TPTE: variants seen among roughly 807,000 people sequenced by gnomAD.
The protein encoded by TPTE is putative tyrosine-protein phosphatase TPTE.
A neutral mutation model predicts 84.1 loss-of-function variants in TPTE; 59 were observed. The ratio of observed to expected loss-of-function variants is 0.70; its 90% CI spans 0.57 to 0.87. The LOEUF (loss-of-function observed/expected upper bound fraction) is 0.87. Among genes scored for constraint, TPTE ranks in the 40% least tolerant of loss-of-function variants. TPTE has a pLI of 0.00. For missense variants in TPTE, 382 were observed against 659.6 expected (o/e 0.58, Z 4.61); for synonymous variants, 130 against 223.5 (o/e 0.58, Z 3.73).
At chr21:10,571,232 A>G (rs1410678790) in intron 14 of TPTE, among the ~76,000 whole-genome samples, 1 of 152,312 alleles carries the variant, frequency 6.6e-6, no homozygotes, top group Admixed American at 6.5e-5. Flanking sequence ...CCACTGAGGC[A>G]CTCACAGACA....
chr21:10,522,520 C>T (rs1335156556), intron 1 of TPTE, among the ~76,000 whole-genome samples: 1 of 152,308 alleles, frequency 6.6e-6, no homozygotes, highest in African/African-American at 2.4e-5. Context: ...AAGTTGGAAA[C>T]GGTCAAAACA....
chr21:10,604,496 C>T (rs1239028738), intron 23 of TPTE, among the ~76,000 whole-genome samples: 1 of 152,310 alleles, frequency 6.6e-6, no homozygotes, highest in Non-Finnish European at 1.5e-5. Context: ...CGAATGATTC[C>T]TTAAGTCCAG....
At chr21:10,560,057 A>T (rs1410958548) in intron 9 of TPTE, among the ~76,000 whole-genome samples, 1 of 152,294 alleles carries the variant, frequency 6.6e-6, no homozygotes, top group African/African-American at 2.4e-5. Flanking sequence ...CTAATTTATC[A>T]TGGAATTTTG....
chr21:10,556,593 T>C (rs944893015), intron 8 of TPTE, among the ~76,000 whole-genome samples: 1 of 152,312 alleles, frequency 6.6e-6, no homozygotes, highest in African/African-American at 2.4e-5. Context: ...GTGTTTCTAG[T>C]TTTAGATTCT....
chr21:10,587,486 T>C (rs890086747), intron 17 of TPTE, among the ~76,000 whole-genome samples: 1 of 152,306 alleles, frequency 6.6e-6, no homozygotes, highest in Non-Finnish European at 1.5e-5. Context: ...TTTTTGTTCC[T>C]GCATTAATTT....
At chr21:10,594,326 G>A (rs1220652984) in intron 19 of TPTE, among the ~76,000 whole-genome samples, 1 of 152,310 alleles carries the variant, frequency 6.6e-6, no homozygotes, top group Non-Finnish European at 1.5e-5. Context: ...AGCCCTTTGT[G>A]TTTCTTTTAG....
intron 7 of TPTE, among the ~76,000 whole-genome samples, chr21:10,547,505 T>G (rs561933225): frequency 6.6e-6 from 1 of 152,424 alleles, no homozygotes; most frequent in South Asian, 2.1e-4. Context: ...TCTCACAGTC[T>G]TTGCAAGCCC....
At chr21:10,573,060 A>C (rs1192087430) in intron 14 of TPTE, among the ~76,000 whole-genome samples, 1 of 19,174 alleles carries the variant, frequency 5.2e-5, no homozygotes, top group African/African-American at 1.3e-3. Context: ...GCCAAGATTT[A>C]AAAAAAAAAA....
intron 6 of TPTE, among the ~76,000 whole-genome samples, chr21:10,542,770 A>G (rs1429643878): frequency 1.1e-4 from 17 of 152,396 alleles, no homozygotes; most frequent in African/African-American, 3.4e-4. Context: ...AGAGTTTCCA[A>G]TTCGTCTCAT....
intron 14 of TPTE, among the ~76,000 whole-genome samples, chr21:10,575,066 C>T (rs2075123957): frequency 1.3e-5 from 2 of 152,312 alleles, no homozygotes; most frequent in African/African-American, 2.4e-5. Flanking sequence ...TCCTAGCCTG[C>T]CAACAGCAGC....
At chr21:10,552,196 A>T (rs2074588069) in intron 7 of TPTE, among the ~76,000 whole-genome samples, 1 of 152,312 alleles carries the variant, frequency 6.6e-6, no homozygotes, top group African/African-American at 2.4e-5. Context: ...ATGCCATTGC[A>T]AACTTAACAG....
intron 14 of TPTE, among the ~76,000 whole-genome samples, chr21:10,577,168 G>C (rs1461003134): frequency 6.6e-6 from 1 of 152,426 alleles, no homozygotes; most frequent in East Asian, 1.9e-4. Context: ...TAATGATTTA[G>C]AACAAATTAC....
intron 1 of TPTE, 122 bp downstream of exon 1, chr21:10,521,816 C>T (rs1400275531): frequency 2.0e-5 from 3 of 152,358 alleles, no homozygotes; most frequent in Admixed American, 1.3e-4. Flanking sequence ...AACCCCTCGC[C>T]CGCGGCTCCC....
chr21:10,536,877 AC>A (rs2074276140), intron 3 of TPTE, among the ~76,000 whole-genome samples: 1 of 152,306 alleles, frequency 6.6e-6, no homozygotes, highest in Non-Finnish European at 1.5e-5. Flanking sequence ...AGGGAAGAAA[AC>A]CCTATGCAGA....
intron 10 of TPTE, among the ~76,000 whole-genome samples, chr21:10,565,230 A>T (rs1301793505): frequency 6.6e-6 from 1 of 152,308 alleles, no homozygotes; most frequent in Non-Finnish European, 1.5e-5. Context: ...TTTGGAAAGG[A>T]CATTTAAAAA....
At chr21:10,551,083 A>G (rs1326265684) in intron 7 of TPTE, among the ~76,000 whole-genome samples, 2 of 152,220 alleles carry the variant, frequency 1.3e-5, no homozygotes, top group Non-Finnish European at 2.9e-5. Context: ...ATACCAAAAC[A>G]GGGGACGCAG....
intron 7 of TPTE, among the ~76,000 whole-genome samples, chr21:10,551,208 T>C (rs962866279): frequency 6.6e-6 from 1 of 152,162 alleles, no homozygotes; most frequent in African/African-American, 2.4e-5. Flanking sequence ...ACATCACATG[T>C]TCTCACTCAT....
intron 10 of TPTE, among the ~76,000 whole-genome samples, chr21:10,565,730 T>C (rs1423186003): frequency 6.6e-6 from 1 of 152,310 alleles, no homozygotes; most frequent in East Asian, 1.9e-4. Context: ...TCATTTTTCA[T>C]AAATGTGCCA....
intron 3 of TPTE, among the ~76,000 whole-genome samples, chr21:10,538,281 C>T (rs547466376): frequency 1.2e-3 from 184 of 152,326 alleles, no homozygotes; most frequent in African/African-American, 4.1e-3. Context: ...GTTACTTTAC[C>T]GTACTTGTGG....
Sources: allele counts gnomAD v4.1 joint callset (sites outside exome capture counted in the v4.1 genomes callset), GRCh38; gene constraint gnomAD v4.1.1; transcripts MANE v1.5; gene names NCBI Gene and HGNC (gene_info 2026-07-23, HGNC 2026-07-21).